PSTPIP1: variants seen among roughly 807,000 people sequenced by gnomAD.
PSTPIP1 encodes the protein proline-serine-threonine phosphatase-interacting protein 1.
In PSTPIP1, 66 loss-of-function variants were observed where a neutral mutation model predicts 69.6. The ratio of observed to expected loss-of-function variants is 0.95; its 90% confidence interval spans 0.78 to 1.16. The LOEUF (loss-of-function observed/expected upper bound fraction) is 1.16. PSTPIP1 is among the 50% of genes most tolerant of loss of function. PSTPIP1 has a pLI of 0.00. For missense variants in PSTPIP1, 603 were observed against 557.4 expected (o/e 1.08, Z -0.82); for synonymous variants, 266 against 222.7 (o/e 1.19, Z -1.73).
rs1340549832 is a variant in PSTPIP1, at chr15:77,027,795, C to A, written c.355-57C>A. On this transcript the variant is annotated intron_variant, in intron 5 of 14. Coordinates refer to ENST00000558012, the MANE Select transcript of PSTPIP1 (RefSeq NM_003978.5). This position sits in a 1 kb window ranked among gnomAD's most constrained non-coding sequence, Gnocchi z 4.3. The stretch of plus-strand genomic sequence containing the variant: ...TCCCAGGGACACTCCGTCCTCTTGG[C>A]CTAGGGGAGCCTCCCGAGGCCGCGG... 6.5e-6 allele frequency: 10 copies of A among 1,547,126 alleles called. No individual in the cohort carries two copies. Among genetic ancestry groups the A allele is most frequent in the Admixed American group, 2.0e-5 (1 of 50,950 alleles).
intron 1 of PSTPIP1, among the ~76,000 whole-genome samples, chr15:76,999,306 T>A (rs1159085191): frequency 6.6e-6 from 1 of 151,234 alleles, no homozygotes; most frequent in Non-Finnish European, 1.5e-5. Flanking sequence ...TGAGAAAGAA[T>A]CTTACTCTGT....
Position 77,026,448 on chromosome 15 carries a change from G to T in PSTPIP1, c.354+844G>T, listed in dbSNP as rs2076283498. ...TGAAAAGTCACAACTGAGCCTTGAAGGGGAAGAAGCTGTACCTGAGGCTGG... is the reference window on the plus strand; with the variant it reads ...TGAAAAGTCACAACTGAGCCTTGAATGGGAAGAAGCTGTACCTGAGGCTGG... On this transcript the variant is annotated intron_variant, in intron 5 of 14. Coordinates refer to ENST00000558012, the MANE Select transcript of PSTPIP1 (RefSeq NM_003978.5). Among the ~76,000 whole-genome samples the T allele has an allele frequency of 3.9e-5, 6 of 152,250 alleles. No individual in the cohort carries two copies. In the South Asian group the frequency reaches 1.2e-3, roughly 31 times the overall value.
chr15:77,019,472 C>G (rs1461910333), intron 3 of PSTPIP1, among the ~76,000 whole-genome samples: 2 of 152,130 alleles, frequency 1.3e-5, no homozygotes, highest in African/African-American at 4.8e-5. Context: ...ACACCAGGCA[C>G]CCTGGCGGCT....
At chr15:77,008,662 G>A (rs1318325415) in intron 1 of PSTPIP1, among the ~76,000 whole-genome samples, 5 of 152,094 alleles carry the variant, frequency 3.3e-5, no homozygotes, top group Admixed American at 6.5e-5. Context: ...CACCCGCCTC[G>A]GCTTTCCAAA....
At chr15:77,025,227 G>A in intron 3 of PSTPIP1, 57 bp from the exon 4 acceptor site, 1 of 1,545,186 alleles carries the variant, frequency 6.5e-7, no homozygotes, top group Non-Finnish European at 8.9e-7. Flanking sequence ...AGGCAGCCTG[G>A]ACTGTAGGTT....
In PSTPIP1 at chr15:77,037,422, C is replaced by T. The variant is rs896294539; in HGVS notation, c.*246C>T. 7.2e-6 allele frequency: 3 copies of T among 417,090 alleles called. No individual in the cohort carries two copies. The highest frequency in any genetic ancestry group is 6.0e-5 in the African/African-American group (3 of 49,600). The allele number at this position is 417,090 out of a possible 1,614,324, so 25.8% of individuals were successfully genotyped here. Reference sequence around the variant, plus strand: ...GAGGCAAAGGAACAAGGGAAGGAGCCTGGATGTGGAGCTCCCCAACTCAGC... The same window carrying T: ...GAGGCAAAGGAACAAGGGAAGGAGCTTGGATGTGGAGCTCCCCAACTCAGC... On this transcript the variant is annotated 3_prime_UTR_variant, in exon 15 of 15. Coordinates refer to ENST00000558012, the MANE Select transcript of PSTPIP1 (RefSeq NM_003978.5).
chr15:77,036,378 C>T (rs2076573797), intron 14 of PSTPIP1, among the ~76,000 whole-genome samples: 1 of 152,174 alleles, frequency 6.6e-6, no homozygotes, highest in Non-Finnish European at 1.5e-5. Context: ...GGGCCCTGTC[C>T]TTCGTGGCCA....
At chr15:77,007,811 G>A (rs1280608494) in intron 1 of PSTPIP1, 1 of 430,492 alleles carries the variant, frequency 2.3e-6, no homozygotes, top group African/African-American at 2.0e-5. Flanking sequence ...AGCCAGGATG[G>A]TCTCGATCTC....
chr15:77,008,640 C>A (rs2152670547), intron 1 of PSTPIP1, among the ~76,000 whole-genome samples: 1 of 152,312 alleles, frequency 6.6e-6, no homozygotes, highest in South Asian at 2.1e-4. Context: ...GCACTCCTGA[C>A]CTCAGGTAAT....
chr15:77,022,656 G>A (rs957509006), intron 3 of PSTPIP1, among the ~76,000 whole-genome samples: 1 of 152,190 alleles, frequency 6.6e-6, no homozygotes, highest in Non-Finnish European at 1.5e-5. Context: ...GGGGTTCTGG[G>A]GCAAAGCTGG....
chr15:77,015,022 C>T (rs1050755085), intron 1 of PSTPIP1, among the ~76,000 whole-genome samples: 1 of 152,200 alleles, frequency 6.6e-6, no homozygotes, highest in Non-Finnish European at 1.5e-5. Context: ...TCCTGGGTGC[C>T]ACATGGCTGG....
intron 6 of PSTPIP1, 190 bp from the exon 7 acceptor site, chr15:77,028,364 A>C: frequency 1.8e-6 from 1 of 545,354 alleles, no homozygotes. Context: ...TGAGAGCAGG[A>C]CTACCAGCAG....
At chr15:77,007,687 T>C (rs1054980802) in intron 1 of PSTPIP1, among the ~76,000 whole-genome samples, 9 of 151,452 alleles carry the variant, frequency 5.9e-5, no homozygotes, top group Non-Finnish European at 1.3e-4. Flanking sequence ...CTCCGCCTCC[T>C]GGGTTCACGC....
chr15:77,028,437 C>T, intron 6 of PSTPIP1, 117 bp from the exon 7 acceptor site: 1 of 800,770 alleles, frequency 1.2e-6, no homozygotes, highest in Non-Finnish European at 1.9e-6. Flanking sequence ...AGGATGCCCC[C>T]ACTCCACCCG....
intron 1 of PSTPIP1, among the ~76,000 whole-genome samples, chr15:77,003,643 G>A (rs1271594782): frequency 1.3e-5 from 2 of 149,806 alleles, no homozygotes; most frequent in Non-Finnish European, 3.0e-5. Context: ...GCAAAAGAAC[G>A]AAACTCCGTC....
chr15:77,000,848 C>CT (rs138313338), intron 1 of PSTPIP1, among the ~76,000 whole-genome samples: 83 of 151,692 alleles, frequency 5.5e-4, no homozygotes, highest in African/African-American at 1.8e-3. Context: ...GCCCTCCCTC[C>CT]TTTTTTTTTC....
chr15:77,008,440 C>T (rs1429576004), intron 1 of PSTPIP1, among the ~76,000 whole-genome samples: 1 of 152,120 alleles, frequency 6.6e-6, no homozygotes, highest in African/African-American at 2.4e-5. Context: ...GACAGAGTCC[C>T]ACTCTGTTGA....
rs147339976 is a variant in PSTPIP1 at position 77,030,006 on chromosome 15, C to T, written c.562+432C>T. ...CTTGTCCCTGCTGGTGCCCCACCCA[C>T]CAGACACAGCACCCACCCTCCTCCC... On this transcript the variant is annotated intron_variant, in intron 8 of 14. Coordinates refer to ENST00000558012, the MANE Select transcript of PSTPIP1 (RefSeq NM_003978.5). Among the ~76,000 whole-genome samples, 524 of 152,220 alleles carry T rather than the reference C, an allele frequency of 3.4e-3. 2 individuals are homozygous for T. Among genetic ancestry groups the T allele is most frequent in the Non-Finnish European group, 5.3e-3 (362 of 68,010 alleles).
chr15:77,010,576 G>A (rs554148349), intron 1 of PSTPIP1, among the ~76,000 whole-genome samples: 15 of 152,292 alleles, frequency 9.8e-5, no homozygotes, highest in Admixed American at 8.5e-4. Context: ...CTGAGTCTGA[G>A]GGGCGTGTCT....
Sources: gnomAD v4.1 joint callset for allele counts (sites outside exome capture counted in the v4.1 genomes callset) on GRCh38, gnomAD v4.1.1 for gene constraint, Gnocchi (gnomAD v3.1) non-coding constraint, MANE v1.5 for transcripts, NCBI Gene and HGNC (gene_info 2026-07-23, HGNC 2026-07-21) for gene names.